PRH1: variants seen among roughly 807,000 people sequenced by gnomAD.
PRH1 encodes the protein salivary acidic proline-rich phosphoprotein 1/2.
PRH1 carries 7 observed loss-of-function variants against 7.9 expected under a neutral mutation model. That is an observed-to-expected ratio of 0.89 (90% CI 0.50 to 1.67). The LOEUF is 1.67. Ranked by LOEUF, PRH1 falls within the 40% of genes most tolerant of loss-of-function variation. The pLI, the probability that PRH1 is intolerant of heterozygous loss-of-function variation, is 0.00. For missense variants in PRH1, 109 were observed against 223.6 expected (o/e 0.49, Z 3.27); for synonymous variants, 45 against 80.8 (o/e 0.56, Z 2.38).
At chr12:11,099,558 T>C (rs1241716321) in intron 1 of PRH1, among the ~76,000 whole-genome samples, 1 of 152,018 alleles carries the variant, frequency 6.6e-6, no homozygotes, top group Non-Finnish European at 1.5e-5. Flanking sequence ...TTAGGTGGGC[T>C]CAGTGGAGTG....
At chr12:11,060,539 G>A (rs959006792) in intron 1 of PRH1, among the ~76,000 whole-genome samples, 1 of 151,842 alleles carries the variant, frequency 6.6e-6, no homozygotes, top group Non-Finnish European at 1.5e-5. Flanking sequence ...CAAAAAAAAA[G>A]CTTTTCTTTA....
intron 2 of PRH1, among the ~76,000 whole-genome samples, chr12:10,960,306 T>G (rs887465138): frequency 6.6e-6 from 1 of 152,216 alleles, no homozygotes; most frequent in Non-Finnish European, 1.5e-5. Flanking sequence ...TAAGTCCTCT[T>G]GATAATGAAC....
At position 11,079,273 on chromosome 12, in the gene PRH1, A is replaced by ACAG. The variant is rs1944417788; in HGVS notation, n.124-32088_124-32086dup. On this transcript the variant is annotated intron_variant and non_coding_transcript_variant, in intron 1 of 4. Transcript: ENST00000541977. ...TCACTCATGTAATTTGCTTCAGTGA[A>ACAG]CAGCAAACTAGTAGACTTTACGCAG... 2 of 115,636 alleles carry ACAG rather than the reference A, an allele frequency of 1.7e-5. 1 individual carries two copies. Among genetic ancestry groups the ACAG allele is most frequent in the Admixed American group, 1.7e-4 (2 of 11,448 alleles). The allele number at this position is 115,636 out of a possible 1,614,324, so 7.2% of individuals were successfully genotyped here. A position where few individuals can be genotyped will look rare whatever the true frequency, so the allele number is the denominator to read the frequency against.
At chr12:10,998,769 A>G (rs752476076) in intron 1 of PRH1, among the ~76,000 whole-genome samples, 3 of 152,170 alleles carry the variant, frequency 2.0e-5, no homozygotes, top group Non-Finnish European at 4.4e-5. Context: ...CCTTTGTCAC[A>G]TAATTTTGCA....
In PRH1 at chr12:11,046,653, C is replaced by T. The variant is rs574289924; in HGVS notation, c.-126+367G>A. Among the ~76,000 whole-genome samples, 12 of 152,174 alleles carry T rather than the reference C, an allele frequency of 7.9e-5. No homozygotes were observed. The South Asian group carries it at 2.3e-3, about 29-fold the overall frequency. The stretch of plus-strand genomic sequence containing the variant: ...GCCTATTTTGTTCATTCTCCATTGC[C>T]AATGAATGGCTGTTTTTTTAAATAT... On this transcript the variant is annotated intron_variant, in intron 1 of 3. Transcript: ENST00000539853.
Position 11,013,014 on chromosome 12 carries a change from G to A in PRH1, c.-126+34006C>T, listed in dbSNP as rs1941135009. Reference sequence around the variant, plus strand: ...CAGCTGAACTGAAATCCAGCACAAGGAGAGTCTTTGCAGGTGAAGGGTCAA... The same window carrying A: ...CAGCTGAACTGAAATCCAGCACAAGAAGAGTCTTTGCAGGTGAAGGGTCAA... On this transcript the variant is annotated intron_variant, in intron 1 of 3. Coordinates refer to the PRH1 transcript ENST00000539853. Among the ~76,000 whole-genome samples, 3 of 152,096 alleles carry A rather than the reference G, an allele frequency of 2.0e-5. No individual in the cohort carries two copies. In the South Asian group the frequency reaches 6.2e-4, roughly 31 times the overall value.
chr12:10,951,877 G>C (rs895085106), intron 2 of PRH1, among the ~76,000 whole-genome samples: 4 of 151,980 alleles, frequency 2.6e-5, no homozygotes, highest in Admixed American at 6.6e-5. Flanking sequence ...TCCAATGTTG[G>C]GTTTTATTCA....
At chr12:10,976,777 A>G (rs1408434361) in intron 1 of PRH1, among the ~76,000 whole-genome samples, 1 of 152,196 alleles carries the variant, frequency 6.6e-6, no homozygotes, top group African/African-American at 2.4e-5. Flanking sequence ...TTCACAAACT[A>G]CTATCAACAC....
At chr12:11,146,070 G>A (rs745810158) in intron 1 of PRH1, among the ~76,000 whole-genome samples, 10 of 151,934 alleles carry the variant, frequency 6.6e-5, no homozygotes, top group South Asian at 4.1e-4. Flanking sequence ...TGCTAAATTC[G>A]CTTTGACTAT....
At chr12:11,059,126 A>G (rs952875958) in intron 1 of PRH1, among the ~76,000 whole-genome samples, 6 of 152,124 alleles carry the variant, frequency 3.9e-5, no homozygotes, top group Non-Finnish European at 8.8e-5. Flanking sequence ...GAAATCAAAT[A>G]CAGAAGACAA....
intron 1 of PRH1, among the ~76,000 whole-genome samples, chr12:11,170,181 G>C (rs935836281): frequency 6.6e-6 from 1 of 152,198 alleles, no homozygotes; most frequent in Admixed American, 6.5e-5. Context: ...AATGAAATGT[G>C]CACCATTTAA....
At chr12:11,055,854 C>G (rs1464481406) in intron 1 of PRH1, among the ~76,000 whole-genome samples, 1 of 133,766 alleles carries the variant, frequency 7.5e-6, no homozygotes, top group Non-Finnish European at 1.7e-5. Context: ...GTTGATTCAC[C>G]TTTTCTGTGC....
At chr12:10,998,721 T>G (rs1047760961) in intron 1 of PRH1, among the ~76,000 whole-genome samples, 24 of 152,260 alleles carry the variant, frequency 1.6e-4, no homozygotes, top group Non-Finnish European at 7.4e-5. Flanking sequence ...CTTTTGGTAA[T>G]GCTACCTGCA....
intron 1 of PRH1, among the ~76,000 whole-genome samples, chr12:11,001,807 C>T (rs190883974): frequency 5.3e-5 from 8 of 152,124 alleles, no homozygotes; most frequent in East Asian, 3.9e-4. Context: ...TAGAAGTACA[C>T]GTATCAAATT....
chr12:10,913,519 T>G (rs185731817), intron 2 of PRH1, among the ~76,000 whole-genome samples: 2 of 152,342 alleles, frequency 1.3e-5, no homozygotes, highest in East Asian at 3.9e-4. Context: ...GTTAGTGTTT[T>G]ATGGTGTGAT....
chr12:10,910,797 G>C lies in PRH1; in HGVS notation c.-58-26522C>G, dbSNP rs376780063. On this transcript the variant is annotated intron_variant, in intron 2 of 3. Transcript: ENST00000539853. The stretch of plus-strand genomic sequence containing the variant: ...AAGATAATAAGTAGCCATTTAGCTA[G>C]ATGAATACAAAGCTATTTTTATTTA... 4.6e-5 allele frequency among the ~76,000 whole-genome samples: 7 copies of C among 152,134 alleles called. No individual in the cohort carries two copies. In the East Asian group the frequency reaches 7.7e-4, roughly 17 times the overall value.
intron 2 of PRH1, among the ~76,000 whole-genome samples, chr12:10,897,510 A>C (rs1285877924): frequency 6.6e-6 from 1 of 152,196 alleles, no homozygotes; most frequent in Non-Finnish European, 1.5e-5. Flanking sequence ...TAAGTGAATT[A>C]GTCTATTCTT....
At chr12:10,979,635 C>T (rs1481858229) in intron 1 of PRH1, among the ~76,000 whole-genome samples, 1 of 152,184 alleles carries the variant, frequency 6.6e-6, no homozygotes, top group Non-Finnish European at 1.5e-5. Context: ...TTTGCAGGCT[C>T]TCTCTGGCTG....
At chr12:11,017,662 A>AT (rs889083248) in intron 1 of PRH1, among the ~76,000 whole-genome samples, 10 of 150,240 alleles carry the variant, frequency 6.7e-5, no homozygotes, top group African/African-American at 9.8e-5. Flanking sequence ...ATTTTTTTGT[A>AT]TTTTTTTTTA....
Sources: allele counts gnomAD v4.1 joint callset (sites outside exome capture counted in the v4.1 genomes callset), GRCh38; gene constraint gnomAD v4.1.1; transcripts MANE v1.5; gene names NCBI Gene and HGNC (gene_info 2026-07-23, HGNC 2026-07-21).